DNAH17: variants seen among roughly 807,000 people sequenced by gnomAD.
DNAH17 encodes axonemal beta dynein heavy chain 17.
A neutral mutation model predicts 485.6 loss-of-function variants in DNAH17; 376 were observed. The ratio of observed to expected loss-of-function variants is 0.77; its 90% CI spans 0.71 to 0.84. The LOEUF is 0.84. Among genes scored for constraint, DNAH17 ranks in the 40% least tolerant of loss-of-function variants. DNAH17 has a pLI of 0.00. For synonymous variants in DNAH17, 3,031 were observed against 2,405.9 expected, an observed-to-expected ratio of 1.26 and a Z score of -7.60; for missense variants, 6,370 against 5,839.3, an observed-to-expected ratio of 1.09 and a Z score of -2.96.
intron 29 of DNAH17, 51 bp downstream of exon 29, chr17:78,507,227 T>C: frequency 6.3e-7 from 1 of 1,596,638 alleles, no homozygotes; most frequent in Non-Finnish European, 8.6e-7. Context: ...ACTTAAGACT[T>C]AGGGAATCTG....
chr17:78,573,996 A>AT (rs1373953725), intron 2 of DNAH17, among the ~76,000 whole-genome samples: 1 of 152,120 alleles, frequency 6.6e-6, no homozygotes, highest in Non-Finnish European at 1.5e-5. Flanking sequence ...ATGACACTCC[A>AT]TTTTTTCCCC....
At position 78,514,861 on chromosome 17, in the gene DNAH17, GT is replaced by G; in HGVS notation, c.4025del (p.Asn1342ThrfsTer2). 6.2e-7 allele frequency: 1 copy of G among 1,614,044 alleles called. No individual in the cohort carries two copies. The highest frequency in any genetic ancestry group is 8.5e-7 in the Non-Finnish European group (1 of 1,179,900). On this transcript the variant is annotated frameshift_variant, in exon 26 of 81. Coordinates refer to ENST00000389840, the MANE Select transcript of DNAH17 (RefSeq NM_173628.4). LOFTEE classifies it high-confidence loss of function. ...TCACGGCACGCAGGGACGTGATCAC[GT>G]TTTTCACGGTGTTGTCGAGCCCCAC... The part of the protein sequence containing the change: ...AFVGLDNTVK[N>X]VITSLRAVSE...
At chr17:78,561,082 C>CA (rs2092143839) in intron 12 of DNAH17, 147 bp from the exon 13 acceptor site, 2 of 759,192 alleles carry the variant, frequency 2.6e-6, no homozygotes, top group Non-Finnish European at 4.2e-6. Context: ...TGCAAACAAG[C>CA]AGTGGCCAGA....
rs774809863 is a variant in DNAH17, at chr17:78,486,290, C to A, written c.7035G>T (p.Glu2345Asp). 1 of 1,611,436 alleles carries A rather than the reference C, an allele frequency of 6.2e-7. No homozygotes were observed. Among genetic ancestry groups the A allele is most frequent in the East Asian group, 2.2e-5 (1 of 44,804 alleles). Reference sequence around the variant, plus strand: ...TGAACACGAAGTACAGCTCGTACAGCTCCCTGGGGGAGTCGGGGGGCACGG... The same window carrying A: ...TGAACACGAAGTACAGCTCGTACAGATCCCTGGGGGAGTCGGGGGGCACGG... The part of the protein sequence containing the change: ...EKTVPPDSPR[E>D]LYELYFVFTC... Residue 2345 changes from glutamate (E) to aspartate (D), a missense_variant, in exon 45 of 81, where the codon GAG (glutamate) becomes GAT (aspartate). By Grantham distance (45) the Glu-to-Asp change is conservative (BLOSUM62 2). Coordinates refer to ENST00000389840, the MANE Select transcript of DNAH17 (RefSeq NM_173628.4).
intron 16 of DNAH17, among the ~76,000 whole-genome samples, chr17:78,550,339 A>ACTGAAACTGAG (rs2091870855): frequency 1.4e-4 from 1 of 7,022 alleles, no homozygotes; most frequent in Non-Finnish European, 2.9e-4. Flanking sequence ...GAGCACTGCC[A>ACTGAAACTGAG]GCCTGCCCAG....
chr17:78,454,529 G>A lies in DNAH17; in HGVS notation c.10347C>T (p.Ile3449=). 6.2e-7 allele frequency: 1 copy of A among 1,613,458 alleles called. No homozygotes were observed. Among genetic ancestry groups the A allele is most frequent in the Non-Finnish European group, 8.5e-7 (1 of 1,179,868 alleles). Residue 3449 remains isoleucine, a synonymous_variant, in exon 64 of 81, where the codon ATC becomes ATT. Transcript: ENST00000389840. The part of the protein sequence containing the change: ...PLIVDAQLQG[I]KWIKNKYRSE... ...TCCTGTATTTGTTTTTGATCCACTT[G>A]ATTCCTTGGAGCTGGGCGTCCACGA...
intron 25 of DNAH17, among the ~76,000 whole-genome samples, chr17:78,520,524 A>C (rs2090907237): frequency 6.6e-6 from 1 of 152,256 alleles, no homozygotes. Flanking sequence ...TAGCAAGGCC[A>C]CAAGAGAAAA....
At chr17:78,547,617 ATTT>A (rs58852980) in intron 16 of DNAH17, among the ~76,000 whole-genome samples, 27,996 of 134,492 alleles carry the variant, frequency 0.21, 2,715 homozygotes, top group East Asian at 0.36. Context: ...GTTCATTACT[ATTT>A]TTTTTTTTTT....
chr17:78,470,012 T>C (rs2088671284), intron 54 of DNAH17, among the ~76,000 whole-genome samples: 1 of 150,666 alleles, frequency 6.6e-6, no homozygotes, highest in South Asian at 2.1e-4. Context: ...CACACAACAG[T>C]GTGAATGTGC....
At chr17:78,518,465 C>T (rs1398112162) in intron 25 of DNAH17, among the ~76,000 whole-genome samples, 3 of 152,150 alleles carry the variant, frequency 2.0e-5, no homozygotes, top group South Asian at 4.1e-4. Context: ...CAAATCTGTA[C>T]ACACCAAGCA....
intron 55 of DNAH17, among the ~76,000 whole-genome samples, chr17:78,467,443 A>G (rs757433326): frequency 6.6e-6 from 1 of 152,254 alleles, no homozygotes; most frequent in Non-Finnish European, 1.5e-5. Flanking sequence ...GGTGCAGGAC[A>G]GAGCCGGCAC....
In DNAH17 at chr17:78,490,670, T is replaced by C. The variant is rs754764694; in HGVS notation, c.6818+29A>G. The stretch of plus-strand genomic sequence containing the variant: ...AAGTTCGTTTTTCCCTGCCGAGGTT[T>C]GGAACAGGAAAGCCAAAGCCCCACT... On this transcript the variant is annotated intron_variant, in intron 44 of 80. Transcript: ENST00000389840. The C allele has an allele frequency of 3.8e-6, 6 of 1,588,102 alleles. No homozygotes were observed. In the South Asian group the frequency reaches 6.8e-5, roughly 18 times the overall value.
rs2088016827 is a variant in DNAH17 at position 78,460,012 on chromosome 17, C to T, written c.9436-11G>A. On this transcript the variant is annotated splice_polypyrimidine_tract_variant and intron_variant, in intron 59 of 80. Coordinates refer to ENST00000389840, the MANE Select transcript of DNAH17 (RefSeq NM_173628.4). Reference sequence around the variant, plus strand: ...CTCTGTCAGGTTGTTCTGCAAATGACAGACGGGATGGGTCCGATGGGAGTT... The same window carrying T: ...CTCTGTCAGGTTGTTCTGCAAATGATAGACGGGATGGGTCCGATGGGAGTT... 1.2e-6 allele frequency: 2 copies of T among 1,612,288 alleles called. No individual in the cohort carries two copies. The highest frequency in any genetic ancestry group is 2.2e-5 in the South Asian group (2 of 91,008).
intron 51 of DNAH17, among the ~76,000 whole-genome samples, chr17:78,476,974 G>T (rs2089060176): frequency 6.6e-6 from 1 of 152,186 alleles, no homozygotes; most frequent in Non-Finnish European, 1.5e-5. Flanking sequence ...CAGGGTTGGG[G>T]CCTCATCCTC....
chr17:78,571,621 C>T lies in DNAH17; in HGVS notation c.701G>A (p.Arg234Gln), dbSNP rs746402960. 1.9e-5 allele frequency: 31 copies of T among 1,613,824 alleles called. No individual in the cohort carries two copies. The highest frequency in any genetic ancestry group is 1.6e-4 in the Middle Eastern group (1 of 6,084). ...ATGGATGCACTTGAGGTTCAGCAGCCGAGTGTCCCAGAACTCGAACTCCAC... is the reference window on the plus strand; with the variant it reads ...ATGGATGCACTTGAGGTTCAGCAGCTGAGTGTCCCAGAACTCGAACTCCAC... ...PQVEFEFWDT[R>Q]LLNLKCIHEQ... The change falls in exon 4 of 81, where the codon CGG becomes CAG. Residue 234 changes from arginine to glutamine, a missense_variant. By Grantham distance (43) the Arg-to-Gln change is conservative. Transcript: ENST00000389840.
chr17:78,452,524 G>T (rs2087597975), intron 65 of DNAH17, among the ~76,000 whole-genome samples: 1 of 152,160 alleles, frequency 6.6e-6, no homozygotes, highest in Admixed American at 6.5e-5. Flanking sequence ...GATCACCTGA[G>T]GTCAGGAGTT....
intron 69 of DNAH17, among the ~76,000 whole-genome samples, chr17:78,448,607 G>A (rs2087413726): frequency 6.6e-6 from 1 of 152,316 alleles, no homozygotes; most frequent in African/African-American, 2.4e-5. Flanking sequence ...TTGCAGAGGG[G>A]CTGTACTATG....
chr17:78,532,527 G>A lies in DNAH17; in HGVS notation c.3069C>T (p.Asp1023=), dbSNP rs1378727341. The part of the protein sequence containing the change: ...TAEDLDTWTD[D]TIPKTPPTLA... ...GGGTGGGCGGTGTCTTGGGGATGGT[G>A]TCATCTGTCCAGGTGTCCAAGTCCT... Residue 1023 remains aspartate (D), a synonymous_variant, in exon 20 of 81, where the codon GAC becomes GAT. Coordinates refer to ENST00000389840, the MANE Select transcript of DNAH17 (RefSeq NM_173628.4). 2 of 1,611,430 alleles carry A rather than the reference G, an allele frequency of 1.2e-6. No individual in the cohort carries two copies. The highest frequency in any genetic ancestry group is 1.7e-6 in the Non-Finnish European group (2 of 1,179,094).
chr17:78,460,310 G>A (rs945609183), intron 58 of DNAH17, 53 bp from the exon 59 acceptor site: 6 of 1,483,184 alleles, frequency 4.0e-6, no homozygotes, highest in Non-Finnish European at 5.5e-6. Context: ...ATGTGCCTGT[G>A]GGGGCGTGTA....
Sources: gnomAD v4.1 joint callset for allele counts (sites outside exome capture counted in the v4.1 genomes callset) on GRCh38, gnomAD v4.1.1 for gene constraint, MANE v1.5 for transcripts, NCBI Gene and HGNC (gene_info 2026-07-23, HGNC 2026-07-21) for gene names.